The following PTPRM variants were observed in gnomAD, a reference collection of about 807,000 sequenced individuals.
The protein encoded by PTPRM is receptor-type tyrosine-protein phosphatase mu.
Under a neutral mutation model 186.7 loss-of-function variants are expected in PTPRM, and 47 were observed. The observed-to-expected ratio is 0.25, with a 90% confidence interval of 0.20 to 0.32. The LOEUF (loss-of-function observed/expected upper bound fraction) is 0.32. Among genes scored for constraint, PTPRM ranks in the 10% least tolerant of loss-of-function variants. PTPRM has a pLI of 1.00. For synonymous variants in PTPRM, 668 were observed against 674.9 expected, an observed-to-expected ratio of 0.99 and a Z score of 0.16; for missense variants, 1,494 against 1,865.0, an observed-to-expected ratio of 0.80 and a Z score of 3.66.
At chr18:8,279,264 CG>C (rs1184082535) in intron 19 of PTPRM, among the ~76,000 whole-genome samples, 1 of 151,940 alleles carries the variant, frequency 6.6e-6, no homozygotes, top group East Asian at 1.9e-4. Context: ...TGGTGAGGAA[CG>C]TGAAATGGAA....
intron 14 of PTPRM, among the ~76,000 whole-genome samples, chr18:8,161,697 C>T (rs2093232405): frequency 6.6e-6 from 1 of 152,146 alleles, no homozygotes; most frequent in African/African-American, 2.4e-5. Flanking sequence ...ACTTACATGT[C>T]TCTGGCTACA....
At chr18:7,679,871 TA>T (rs2039440216) in intron 1 of PTPRM, among the ~76,000 whole-genome samples, 1 of 151,376 alleles carries the variant, frequency 6.6e-6, no homozygotes, top group African/African-American at 2.4e-5. Flanking sequence ...AAAAAAAAAA[TA>T]TTTTATTTTT....
At chr18:7,822,447 A>G (rs1374173307) in intron 2 of PTPRM, among the ~76,000 whole-genome samples, 1 of 152,218 alleles carries the variant, frequency 6.6e-6, no homozygotes, top group Non-Finnish European at 1.5e-5. Context: ...GGTACTTTCT[A>G]TACTATGAAC....
chr18:8,005,676 G>T (rs1012532107), intron 7 of PTPRM, among the ~76,000 whole-genome samples: 1 of 151,924 alleles, frequency 6.6e-6, no homozygotes, highest in Non-Finnish European at 1.5e-5. Context: ...ATCACCTCAG[G>T]GGTGACCTCC....
intron 2 of PTPRM, among the ~76,000 whole-genome samples, chr18:7,839,420 A>G (rs565677066): frequency 2.6e-5 from 4 of 152,172 alleles, no homozygotes; most frequent in South Asian, 4.1e-4. Flanking sequence ...TTCTGCCAGG[A>G]CTAGGTCCTT....
chr18:8,161,722 C>G (rs550836969), intron 14 of PTPRM, among the ~76,000 whole-genome samples: 23 of 152,156 alleles, frequency 1.5e-4, no homozygotes, highest in Non-Finnish European at 3.2e-4. Context: ...TTGTCTTATA[C>G]CAACCAGGAA....
chr18:8,169,344 C>CAA (rs34078397), intron 14 of PTPRM, among the ~76,000 whole-genome samples: 6,663 of 121,808 alleles, frequency 0.055, 464 homozygotes, highest in African/African-American at 0.18. Flanking sequence ...TTGATTTGGG[C>CAA]AAAAAAAAAA....
intron 2 of PTPRM, among the ~76,000 whole-genome samples, chr18:7,863,806 G>A (rs1015642876): frequency 3.9e-5 from 6 of 151,984 alleles, no homozygotes; most frequent in African/African-American, 1.4e-4. Flanking sequence ...ACTAATTTAT[G>A]CTCCCACCAA....
At chr18:8,074,530 A>G (rs2089684396) in intron 8 of PTPRM, among the ~76,000 whole-genome samples, 1 of 152,098 alleles carries the variant, frequency 6.6e-6, no homozygotes, top group South Asian at 2.1e-4. Flanking sequence ...CCAGCAGGGT[A>G]TGGGGTTTCC....
intron 7 of PTPRM, among the ~76,000 whole-genome samples, chr18:8,023,744 C>T (rs899628953): frequency 6.6e-6 from 1 of 151,410 alleles, no homozygotes; most frequent in African/African-American, 2.4e-5. Context: ...TAGAAGCCAA[C>T]TGGAATTGAA....
rs1474848702 is a variant in PTPRM, at chr18:8,069,955, A to G, written c.1402A>G (p.Lys468Glu). 3 of 1,613,890 alleles carry G rather than the reference A, an allele frequency of 1.9e-6. No homozygotes were observed. Among genetic ancestry groups the G allele is most frequent in the African/African-American group, 2.7e-5 (2 of 74,932 alleles). Residue 468 changes from lysine (K) to glutamate (E), a missense_variant, in exon 8 of 33, where the codon AAG (lysine) becomes GAG (glutamate). Around this residue, in one of 3 missense-constraint regions of PTPRM, gnomAD observed 1,107 missense variants for 1,350.2 expected, o/e 0.82. Transcript: ENST00000580170. Reference protein sequence around the residue: ...KLILMNPEGRKESQELIVQTD... With the variant: ...KLILMNPEGREESQELIVQTD... ...GATCCTCATGAACCCAGAGGGCCGG[A>G]AGGAAAGCCAAGAACTCATAGTGCA...
At chr18:8,195,050 A>G (rs2093758023) in intron 14 of PTPRM, among the ~76,000 whole-genome samples, 1 of 152,050 alleles carries the variant, frequency 6.6e-6, no homozygotes, top group Non-Finnish European at 1.5e-5. Context: ...AACATTCTGC[A>G]CAGAAACCTC....
At chr18:7,939,429 T>C (rs2052028347) in intron 5 of PTPRM, among the ~76,000 whole-genome samples, 1 of 152,208 alleles carries the variant, frequency 6.6e-6, no homozygotes, top group Admixed American at 6.5e-5. Flanking sequence ...AATATGTATC[T>C]TTTGCTGGTA....
intron 1 of PTPRM, among the ~76,000 whole-genome samples, chr18:7,729,527 T>C (rs1002796514): frequency 1.3e-5 from 2 of 148,656 alleles, no homozygotes; most frequent in Non-Finnish European, 2.9e-5. Context: ...ATAATAAGGC[T>C]GAAAAAAAAA....
intron 2 of PTPRM, among the ~76,000 whole-genome samples, chr18:7,826,519 T>C (rs1326540581): frequency 6.6e-6 from 1 of 152,254 alleles, no homozygotes; most frequent in Non-Finnish European, 1.5e-5. Context: ...TTTATTTCAT[T>C]TATCGTGTAG....
intron 7 of PTPRM, chr18:7,995,525 C>G (rs1334582368): frequency 6.6e-6 from 1 of 152,134 alleles, no homozygotes; most frequent in Non-Finnish European, 1.5e-5. Context: ...AAATCCCCAA[C>G]AAAATATTAA....
intron 1 of PTPRM, among the ~76,000 whole-genome samples, chr18:7,730,873 C>T (rs769640726): frequency 6.6e-6 from 1 of 152,168 alleles, no homozygotes; most frequent in East Asian, 1.9e-4. Flanking sequence ...GGTTTCTGGC[C>T]TTCCCCTTTA....
intron 1 of PTPRM, among the ~76,000 whole-genome samples, chr18:7,646,824 T>C (rs2038575937): frequency 6.6e-6 from 1 of 152,136 alleles, no homozygotes; most frequent in African/African-American, 2.4e-5. Context: ...TATGCAAGAT[T>C]GAGAGCCCTT....
In PTPRM at chr18:7,826,025, C is replaced by G. The variant is rs537209431; in HGVS notation, c.196+51754C>G. 4.6e-5 allele frequency among the ~76,000 whole-genome samples: 7 copies of G among 152,260 alleles called. No individual in the cohort carries two copies. In the South Asian group the frequency reaches 6.2e-4, roughly 14 times the overall value. On this transcript the variant is annotated intron_variant, in intron 2 of 32. Transcript: ENST00000580170. ...CTGGTGTTAACAGTGGCTCTCAGAGCACCTTGTTGCTTGTCCTCATTGGAT... is the reference window on the plus strand; with the variant it reads ...CTGGTGTTAACAGTGGCTCTCAGAGGACCTTGTTGCTTGTCCTCATTGGAT...
Sources: allele counts gnomAD v4.1 joint callset (sites outside exome capture counted in the v4.1 genomes callset), GRCh38; gene constraint gnomAD v4.1.1; regional missense constraint gnomAD v4.1.1; transcripts MANE v1.5; gene names NCBI Gene and HGNC (gene_info 2026-07-23, HGNC 2026-07-21).